Variants in NBEAL1 observed in about 807,000 individuals in gnomAD.
NBEAL1 encodes the protein neurobeachin like 1, also known as neurobeachin-like protein 1.
In NBEAL1, 273 loss-of-function variants were observed where a neutral mutation model predicts 351.3. That is an observed-to-expected ratio of 0.78 (90% confidence interval 0.70 to 0.86). The LOEUF is 0.86. NBEAL1 is among the 40% of genes least tolerant of loss of function. NBEAL1 has a pLI of 0.00. For synonymous variants in NBEAL1, 1,050 were observed against 1,086.4 expected (o/e 0.97, Z 0.66); for missense variants, 2,961 against 3,201.3 (o/e 0.92, Z 1.81).
At chr2:203,058,790 G>A (rs2061448534) in intron 6 of NBEAL1, among the ~76,000 whole-genome samples, 1 of 152,212 alleles carries the variant, frequency 6.6e-6, no homozygotes, top group South Asian at 2.1e-4. Flanking sequence ...AAGTTTGCAT[G>A]ATGCCTGCCG....
Position 203,144,590 on chromosome 2 carries a change from T to C in NBEAL1, c.4849-10T>C, listed in dbSNP as rs915342168. On this transcript the variant is annotated splice_polypyrimidine_tract_variant and intron_variant, in intron 31 of 55. Transcript: ENST00000683969. ...GTCTGCTCTTTCTCATCTAAACTGT[T>C]TTCCTCCAGGTTTGTGCAATGGCAT... The C allele has an allele frequency of 6.3e-7, 1 of 1,598,658 alleles. No individual in the cohort carries two copies. The highest frequency in any genetic ancestry group is 8.5e-7 in the Non-Finnish European group (1 of 1,172,044).
rs2061516685 is a variant in NBEAL1, at chr2:203,062,481, C to T, written c.515+5028C>T. On this transcript the variant is annotated intron_variant, in intron 6 of 55. Transcript: ENST00000683969. The surrounding 1 kb of genome is among the most constrained non-coding windows in gnomAD (Gnocchi z 4.2). ...GCAGGTCACAGGCAACAGAGGCTGC[C>T]CCAGAACCACCTAAGGCCTCTCAGA... 1 of 345,318 alleles carries T rather than the reference C, an allele frequency of 2.9e-6. No individual in the cohort carries two copies. Among genetic ancestry groups the T allele is most frequent in the Non-Finnish European group, 5.6e-6 (1 of 178,080 alleles). The allele number at this position is 345,318 out of a possible 1,614,324, so 21.4% of individuals were successfully genotyped here.
intron 2 of NBEAL1, chr2:203,040,539 T>A: frequency 1.5e-6 from 1 of 669,926 alleles, no homozygotes; most frequent in African/African-American, 1.8e-5. Flanking sequence ...GATTTCCAAA[T>A]CTGAAGTCTG....
chr2:203,183,691 G>C (rs1402593896), intron 44 of NBEAL1, among the ~76,000 whole-genome samples: 1 of 151,944 alleles, frequency 6.6e-6, no homozygotes, highest in Non-Finnish European at 1.5e-5. Context: ...GGTGTAGTTT[G>C]GTGTTTTACA....
chr2:203,174,908 A>G (rs1262276187), intron 41 of NBEAL1, among the ~76,000 whole-genome samples: 1 of 151,742 alleles, frequency 6.6e-6, no homozygotes, highest in Non-Finnish European at 1.5e-5. Flanking sequence ...AATAAAAATG[A>G]AAACTATTCC....
intron 47 of NBEAL1, 134 bp from the exon 48 acceptor site, chr2:203,197,168 T>G (rs2065261077): frequency 1.9e-6 from 1 of 515,884 alleles, no homozygotes; most frequent in African/African-American, 1.9e-5. Context: ...TCATTTTAAA[T>G]TAATTGATTA....
chr2:203,125,495 C>T lies in NBEAL1; in HGVS notation c.2826C>T (p.Leu942=), dbSNP rs76097285. The T allele has an allele frequency of 1.3e-5, 19 of 1,519,126 alleles. No individual in the cohort carries two copies. In the East Asian group the frequency reaches 1.5e-4, roughly 12 times the overall value. 94.1% of individuals were successfully genotyped at this position (1,519,126 alleles called of 1,614,324 possible). A position where few individuals can be genotyped will look rare whatever the true frequency, so the allele number is the denominator to read the frequency against. Residue 942 remains leucine (L), a synonymous_variant, in exon 20 of 56, where the codon CTC becomes CTT. Coordinates refer to ENST00000683969, the MANE Select transcript of NBEAL1 (RefSeq NM_001378026.1). ...TAACACCTGTTGAAGGAGATTGGCT[C>T]GTATGGACTTCCACAAAGGCCTCAG... ...ESVTPVEGDW[L]VWTSTKASES...
At chr2:203,098,819 T>A (rs1027389774) in intron 11 of NBEAL1, among the ~76,000 whole-genome samples, 1 of 152,168 alleles carries the variant, frequency 6.6e-6, no homozygotes, top group Non-Finnish European at 1.5e-5. Context: ...TATATTTAAT[T>A]GTTTATAAGT....
chr2:203,210,881 A>T, intron 53 of NBEAL1, 77 bp from the exon 54 acceptor site: 1 of 755,470 alleles, frequency 1.3e-6, no homozygotes, highest in Non-Finnish European at 2.1e-6. Flanking sequence ...TTATTCTGTT[A>T]TAGTCAGAGT....
At chr2:203,089,899 T>C (rs2062032830) in intron 10 of NBEAL1, among the ~76,000 whole-genome samples, 1 of 152,234 alleles carries the variant, frequency 6.6e-6, no homozygotes, top group South Asian at 2.1e-4. Context: ...TTCTTTTCAT[T>C]TTCTGTTTTA....
At chr2:203,080,124 T>C (rs909865325) in intron 8 of NBEAL1, among the ~76,000 whole-genome samples, 2 of 152,124 alleles carry the variant, frequency 1.3e-5, no homozygotes, top group Non-Finnish European at 2.9e-5. Flanking sequence ...TTTAAGAGTT[T>C]CCTGGCCGGG....
At chr2:203,057,546 A>G (rs2061424078) in intron 6 of NBEAL1, 93 bp downstream of exon 6, 1 of 1,049,878 alleles carries the variant, frequency 9.5e-7, no homozygotes, top group Non-Finnish European at 1.4e-6. Context: ...AAGCAATTGG[A>G]AAGAAGTATA....
chr2:203,035,212 G>A (rs1330795501), intron 2 of NBEAL1, among the ~76,000 whole-genome samples: 8 of 149,244 alleles, frequency 5.4e-5, no homozygotes, highest in African/African-American at 1.9e-4. Flanking sequence ...GTAATCACAT[G>A]TGACTAGTGG....
In NBEAL1 at chr2:203,116,620, A is replaced by G. The variant is rs117627330; in HGVS notation, c.2592+550A>G. 6.7e-3 allele frequency among the ~76,000 whole-genome samples: 846 copies of G among 125,340 alleles called. 31 individuals are homozygous for G. The East Asian group carries it at 0.12, about 18-fold the overall frequency. The allele number at this position is 125,340 out of a possible 152,430, so 82.2% of individuals were successfully genotyped here. Reference sequence around the variant, plus strand: ...ACCCCTGTCTCTATAAAACTTATGAAAAATGCCAAAAAAAAAAAAAATAGC... The same window carrying G: ...ACCCCTGTCTCTATAAAACTTATGAGAAATGCCAAAAAAAAAAAAAATAGC... On this transcript the variant is annotated intron_variant, in intron 18 of 55. Transcript: ENST00000683969.
intron 10 of NBEAL1, among the ~76,000 whole-genome samples, chr2:203,095,482 C>T (rs987755852): frequency 3.3e-5 from 5 of 151,878 alleles, no homozygotes; most frequent in African/African-American, 4.8e-5. Context: ...TTAGTGGAGA[C>T]GGGGTTTCCC....
intron 48 of NBEAL1, among the ~76,000 whole-genome samples, chr2:203,198,751 T>TG (rs2065307343): frequency 6.6e-6 from 1 of 151,170 alleles, no homozygotes; most frequent in Non-Finnish European, 1.5e-5. Flanking sequence ...TGGTCCCAGC[T>TG]ACTCAAGAGG....
chr2:203,207,256 C>T (rs1357675458), intron 51 of NBEAL1, among the ~76,000 whole-genome samples: 12 of 150,950 alleles, frequency 7.9e-5, no homozygotes, highest in African/African-American at 1.9e-4. Flanking sequence ...AGAGCATCTC[C>T]GCCCGGCAGC....
At chr2:203,209,073 ATTTC>A in intron 52 of NBEAL1, 84 bp from the exon 53 acceptor site, 1 of 1,083,574 alleles carries the variant, frequency 9.2e-7, no homozygotes, top group Non-Finnish European at 1.3e-6. Flanking sequence ...CCTTTCCCAC[ATTTC>A]TTTATCTGGC....
chr2:203,023,137 T>G (rs990300797), intron 2 of NBEAL1, among the ~76,000 whole-genome samples: 2 of 152,222 alleles, frequency 1.3e-5, no homozygotes, highest in Admixed American at 1.3e-4. Context: ...AATGAGAAAA[T>G]TATTAACTTA....
Sources: gnomAD v4.1 joint callset for allele counts (sites outside exome capture counted in the v4.1 genomes callset) on GRCh38, gnomAD v4.1.1 for gene constraint, Gnocchi (gnomAD v3.1) non-coding constraint, MANE v1.5 for transcripts, NCBI Gene and HGNC (gene_info 2026-07-23, HGNC 2026-07-21) for gene names.